The following DNAJC10 variants were observed in gnomAD, a reference collection of about 807,000 sequenced individuals.
DNAJC10 encodes the protein DnaJ heat shock protein family (Hsp40) member C10.
DNAJC10 carries 101 observed loss-of-function variants against 115.0 expected under a neutral mutation model. The ratio of observed to expected loss-of-function variants is 0.88; its 90% CI spans 0.75 to 1.04. DNAJC10 has a LOEUF of 1.04. Among genes scored for constraint, DNAJC10 ranks in the 50% least tolerant of loss-of-function variants. DNAJC10 has a pLI of 0.00. For missense variants in DNAJC10, 981 were observed against 928.8 expected (o/e 1.06, Z -0.73); for synonymous variants, 307 against 301.5 (o/e 1.02, Z -0.19).
At chr2:182,758,617 C>T (rs1694215632) in intron 19 of DNAJC10, among the ~76,000 whole-genome samples, 1 of 152,118 alleles carries the variant, frequency 6.6e-6, no homozygotes, top group African/African-American at 2.4e-5. Context: ...GACAGCTAGA[C>T]ATTCTGGGCT....
chr2:182,773,817 G>T (rs1694632652), intron 22 of DNAJC10, among the ~76,000 whole-genome samples: 1 of 152,196 alleles, frequency 6.6e-6, no homozygotes, highest in Non-Finnish European at 1.5e-5. Context: ...CCGACCTTCT[G>T]AAGTCTACTT....
intron 16 of DNAJC10, chr2:182,752,473 T>C (rs954281465): frequency 3.3e-5 from 14 of 426,230 alleles, no homozygotes; most frequent in Admixed American, 5.9e-5. Flanking sequence ...TTTCCAATTA[T>C]TGAAGATTGT....
chr2:182,748,312 T>C (rs1391456569), intron 14 of DNAJC10, among the ~76,000 whole-genome samples: 2 of 152,220 alleles, frequency 1.3e-5, no homozygotes, highest in African/African-American at 4.8e-5. Flanking sequence ...ATGGTACCAC[T>C]TCCTCCTTGT....
chr2:182,738,383 T>C lies in DNAJC10; in HGVS notation c.988-1916T>C, dbSNP rs189301694. On this transcript the variant is annotated intron_variant, in intron 11 of 23. Coordinates refer to ENST00000264065, the MANE Select transcript of DNAJC10 (RefSeq NM_018981.4). Reference sequence around the variant, plus strand: ...CTACACCCTGTCCAACAATAGAGCCTCTTGCCTTGAGTATTATAATCTCTG... The same window carrying C: ...CTACACCCTGTCCAACAATAGAGCCCCTTGCCTTGAGTATTATAATCTCTG... 1.9e-3 allele frequency among the ~76,000 whole-genome samples: 288 copies of C among 152,314 alleles called. 1 individual carries two copies. The highest frequency in any genetic ancestry group is 6.7e-3 in the African/African-American group (277 of 41,570).
chr2:182,746,132 A>G (rs1693859301), intron 14 of DNAJC10, among the ~76,000 whole-genome samples: 1 of 152,108 alleles, frequency 6.6e-6, no homozygotes, highest in Non-Finnish European at 1.5e-5. Flanking sequence ...AATCCAGTCT[A>G]TCATTGTTGG....
intron 14 of DNAJC10, among the ~76,000 whole-genome samples, chr2:182,748,356 G>A (rs190298381): frequency 2.6e-4 from 40 of 152,218 alleles, no homozygotes; most frequent in Admixed American, 1.3e-3. Context: ...AATCCATCTG[G>A]TCCTGGACTC....
intron 5 of DNAJC10, among the ~76,000 whole-genome samples, chr2:182,727,996 C>T (rs1346645490): frequency 6.6e-6 from 1 of 152,146 alleles, no homozygotes; most frequent in African/African-American, 2.4e-5. Context: ...TCAACCTTTT[C>T]AAACAAAATG....
At chr2:182,733,791 A>T (rs986263268) in intron 10 of DNAJC10, among the ~76,000 whole-genome samples, 1 of 141,610 alleles carries the variant, frequency 7.1e-6, no homozygotes, top group Non-Finnish European at 1.6e-5. Context: ...TCAGATAGAT[A>T]GATAGATAGA....
chr2:182,735,889 T>TA (rs1693570503), intron 10 of DNAJC10, among the ~76,000 whole-genome samples: 2 of 152,250 alleles, frequency 1.3e-5, no homozygotes, highest in Non-Finnish European at 1.5e-5. Context: ...TGAAAAATCT[T>TA]AAACAGTAGT....
At chr2:182,754,738 G>A (rs62188166) in intron 16 of DNAJC10, 93,829 of 1,155,844 alleles carry the variant, frequency 0.081, 4,515 homozygotes, top group Non-Finnish European at 0.092. Flanking sequence ...AATTACCCAT[G>A]CCGATTTCTC....
rs151108303 is a variant in DNAJC10 at position 182,752,085 on chromosome 2, G to C, written c.1448G>C (p.Cys483Ser). Residue 483 changes from cysteine (C) to serine (S), a missense_variant, in exon 16 of 24, where the codon TGT becomes TCT. Transcript: ENST00000264065. The stretch of plus-strand genomic sequence containing the variant: ...TTTCTTTCCTAGTGGTGTCCACCAT[G>C]TCGAGCTTTACTACCAGAGTTACGA... Reference protein sequence around the residue: ...VDFFAPWCPPCRALLPELRRA... With the variant: ...VDFFAPWCPPSRALLPELRRA... 1 of 1,612,906 alleles carries C rather than the reference G, an allele frequency of 6.2e-7. No individual in the cohort carries two copies. Among genetic ancestry groups the C allele is most frequent in the African/African-American group, 1.3e-5 (1 of 74,826 alleles).
At chr2:182,765,559 C>G (rs185352531) in intron 22 of DNAJC10, among the ~76,000 whole-genome samples, 3 of 152,150 alleles carry the variant, frequency 2.0e-5, no homozygotes, top group African/African-American at 7.2e-5. Context: ...CATGCGGTTG[C>G]GAGGGCTTCC....
intron 18 of DNAJC10, 52 bp from the exon 19 acceptor site, chr2:182,757,640 A>T: frequency 8.1e-6 from 11 of 1,351,368 alleles, no homozygotes; most frequent in Non-Finnish European, 9.8e-6. Context: ...TTATTTCTTT[A>T]TTGCAAACAT....
At chr2:182,773,192 G>A (rs967217619) in intron 22 of DNAJC10, among the ~76,000 whole-genome samples, 12 of 152,258 alleles carry the variant, frequency 7.9e-5, no homozygotes, top group Middle Eastern at 3.4e-3. Flanking sequence ...GGTTTCTGCC[G>A]AGAGATCTGC....
chr2:182,740,182 A>G (rs1693695785), intron 11 of DNAJC10, 117 bp from the exon 12 acceptor site: 1 of 1,175,144 alleles, frequency 8.5e-7, no homozygotes, highest in African/African-American at 1.6e-5. Flanking sequence ...TTGAAAAACT[A>G]TTTACCTTCT....
intron 5 of DNAJC10, among the ~76,000 whole-genome samples, chr2:182,727,248 A>G (rs533937461): frequency 2.0e-5 from 3 of 150,504 alleles, no homozygotes; most frequent in East Asian, 1.9e-4. Context: ...TTTTACTACA[A>G]GAAAGGTTTT....
intron 17 of DNAJC10, among the ~76,000 whole-genome samples, chr2:182,755,945 G>A (rs1011140047): frequency 6.6e-6 from 1 of 152,092 alleles, no homozygotes; most frequent in Non-Finnish European, 1.5e-5. Flanking sequence ...CAAAACTAAT[G>A]AGCAAAATCC....
intron 22 of DNAJC10, among the ~76,000 whole-genome samples, chr2:182,768,480 A>C (rs915011081): frequency 1.3e-5 from 2 of 152,234 alleles, no homozygotes; most frequent in Non-Finnish European, 2.9e-5. Flanking sequence ...AGACAAGGGT[A>C]GCATTCAGCC....
rs546669259 is a variant in DNAJC10, at chr2:182,790,481, C to T, written c.*13349C>T. 2.6e-5 allele frequency: 4 copies of T among 152,174 alleles called. No homozygotes were observed. The East Asian group carries it at 7.7e-4, about 29-fold the overall frequency. The allele number at this position is 152,174 out of a possible 1,614,324, so 9.4% of individuals were successfully genotyped here. Reference sequence around the variant, plus strand: ...GAATATCTAATGAAGCACCTTTTCCCTTTTCTAAAATTCAATAGTAAGGGC... The same window carrying T: ...GAATATCTAATGAAGCACCTTTTCCTTTTTCTAAAATTCAATAGTAAGGGC... On this transcript the variant is annotated 3_prime_UTR_variant, in exon 24 of 24. Coordinates refer to ENST00000264065, the MANE Select transcript of DNAJC10 (RefSeq NM_018981.4).
Sources: gnomAD v4.1 joint callset for allele counts (sites outside exome capture counted in the v4.1 genomes callset) on GRCh38, gnomAD v4.1.1 for gene constraint, MANE v1.5 for transcripts, NCBI Gene and HGNC (gene_info 2026-07-23, HGNC 2026-07-21) for gene names.